CCDC85A: variants seen among roughly 807,000 people sequenced by gnomAD.
CCDC85A encodes coiled-coil domain-containing protein 85A.
CCDC85A carries 38 observed loss-of-function variants against 50.2 expected under a neutral mutation model. The ratio of observed to expected loss-of-function variants is 0.76; its 90% CI spans 0.58 to 0.99. The LOEUF (loss-of-function observed/expected upper bound fraction) is 0.99, where lower values mean the gene tolerates loss of function less well. Among genes scored for constraint, CCDC85A ranks in the 50% least tolerant of loss-of-function variants. The probability of loss-of-function intolerance (pLI) is 0.00; values close to 1 mark genes in which losing one functional copy is unlikely to be tolerated. For synonymous variants in CCDC85A, 366 were observed against 301.4 expected (o/e 1.21, Z -2.22); for missense variants, 820 against 742.0 (o/e 1.11, Z -1.22).
At chr2:56,341,409 C>T (rs900749240) in intron 2 of CCDC85A, among the ~76,000 whole-genome samples, 6 of 152,170 alleles carry the variant, frequency 3.9e-5, no homozygotes, top group Middle Eastern at 3.4e-3. Context: ...GGTGGGCTTG[C>T]GGGGAGCCCT....
chr2:56,252,851 A>G (rs1464779278), intron 2 of CCDC85A, among the ~76,000 whole-genome samples: 2 of 151,984 alleles, frequency 1.3e-5, no homozygotes, highest in Admixed American at 1.3e-4. Flanking sequence ...AGCTTCATCC[A>G]TGTCCCTGCA....
chr2:56,218,913 C>G (rs1668199968), intron 2 of CCDC85A, among the ~76,000 whole-genome samples: 1 of 151,606 alleles, frequency 6.6e-6, no homozygotes, highest in African/African-American at 2.4e-5. Flanking sequence ...AAATATATTA[C>G]TGAAATGAGA....
intron 2 of CCDC85A, among the ~76,000 whole-genome samples, chr2:56,212,017 A>G (rs1169521274): frequency 1.3e-5 from 2 of 151,978 alleles, no homozygotes; most frequent in Non-Finnish European, 2.9e-5. Context: ...GGCCTGTAAT[A>G]TCTGGACTCA....
chr2:56,288,069 A>G (rs1428215067), intron 2 of CCDC85A, among the ~76,000 whole-genome samples: 2 of 152,104 alleles, frequency 1.3e-5, no homozygotes, highest in Non-Finnish European at 2.9e-5. Flanking sequence ...CCCTGAACCC[A>G]TATCTTGGGA....
At chr2:56,359,979 C>A (rs1334089767) in intron 3 of CCDC85A, among the ~76,000 whole-genome samples, 2 of 152,082 alleles carry the variant, frequency 1.3e-5, no homozygotes, top group African/African-American at 4.8e-5. Flanking sequence ...TGGGTCAGGA[C>A]AAGACTTAGA....
intron 2 of CCDC85A, among the ~76,000 whole-genome samples, chr2:56,242,990 C>T (rs769838613): frequency 6.6e-6 from 1 of 151,948 alleles, no homozygotes; most frequent in Non-Finnish European, 1.5e-5. Context: ...ATCCAGGTTT[C>T]CCAGCACAAT....
At chr2:56,325,947 G>A (rs1485215020) in intron 2 of CCDC85A, among the ~76,000 whole-genome samples, 1 of 152,072 alleles carries the variant, frequency 6.6e-6, no homozygotes, top group East Asian at 1.9e-4. Flanking sequence ...TTGTGTCTTA[G>A]GCAAAATACG....
chr2:56,304,027 A>G (rs572260610), intron 2 of CCDC85A, among the ~76,000 whole-genome samples: 10 of 152,314 alleles, frequency 6.6e-5, no homozygotes, highest in African/African-American at 2.4e-4. Flanking sequence ...TTGGATCTCT[A>G]TGTCCTAGTG....
intron 2 of CCDC85A, among the ~76,000 whole-genome samples, chr2:56,284,177 T>C (rs139477340): frequency 5.4e-4 from 82 of 152,288 alleles, no homozygotes; most frequent in African/African-American, 1.9e-3. Context: ...TAGATATCCT[T>C]ATTGATTTCT....
chr2:56,220,247 AATC>A (rs1668267716), intron 2 of CCDC85A, among the ~76,000 whole-genome samples: 1 of 93,430 alleles, frequency 1.1e-5, no homozygotes, highest in African/African-American at 3.0e-5. Context: ...CTTTCTACTT[AATC>A]TTAAACTCCT....
At chr2:56,283,110 C>T (rs1346248781) in intron 2 of CCDC85A, among the ~76,000 whole-genome samples, 2 of 151,986 alleles carry the variant, frequency 1.3e-5, no homozygotes, top group Non-Finnish European at 2.9e-5. Flanking sequence ...GACAGTTTTA[C>T]TTCTTACTTT....
At chr2:56,262,467 A>G (rs921883602) in intron 2 of CCDC85A, among the ~76,000 whole-genome samples, 1 of 152,170 alleles carries the variant, frequency 6.6e-6, no homozygotes, top group Non-Finnish European at 1.5e-5. Flanking sequence ...GGGTTTTCTC[A>G]TGAGAAGCCC....
At chr2:56,222,338 G>T (rs1393793563) in intron 2 of CCDC85A, among the ~76,000 whole-genome samples, 2 of 151,982 alleles carry the variant, frequency 1.3e-5, no homozygotes, top group Non-Finnish European at 2.9e-5. Flanking sequence ...AAGGTATATA[G>T]CATAATGTTT....
intron 4 of CCDC85A, among the ~76,000 whole-genome samples, chr2:56,373,910 C>CT (rs1676205150): frequency 6.6e-6 from 1 of 152,072 alleles, no homozygotes; most frequent in Non-Finnish European, 1.5e-5. Context: ...CATTTGATTC[C>CT]AAAGGATCCA....
intron 5 of CCDC85A, among the ~76,000 whole-genome samples, chr2:56,378,884 A>G (rs1377680452): frequency 6.6e-6 from 1 of 152,158 alleles, no homozygotes; most frequent in Non-Finnish European, 1.5e-5. Flanking sequence ...TTCTAGGGAG[A>G]GCATTAGTTT....
chr2:56,295,037 GTTTA>G, intron 2 of CCDC85A, among the ~76,000 whole-genome samples: 1 of 152,190 alleles, frequency 6.6e-6, no homozygotes, highest in Non-Finnish European at 1.5e-5. Flanking sequence ...AAAACATTGT[GTTTA>G]TGGCATCCAG....
At chr2:56,272,944 AG>A (rs60525863) in intron 2 of CCDC85A, among the ~76,000 whole-genome samples, 25,783 of 152,008 alleles carry the variant, frequency 0.17, 2,157 homozygotes, top group East Asian at 0.29. Flanking sequence ...AATTGGAAAA[AG>A]AAAAAGAGAG....
At chr2:56,187,103 T>C (rs1240233508) in intron 1 of CCDC85A, among the ~76,000 whole-genome samples, 1 of 152,220 alleles carries the variant, frequency 6.6e-6, no homozygotes, top group African/African-American at 2.4e-5. Context: ...CAGAGCTTCC[T>C]TGGACACCAT....
chr2:56,378,827 A>G (rs138264452), intron 5 of CCDC85A, among the ~76,000 whole-genome samples: 497 of 152,312 alleles, frequency 3.3e-3, no homozygotes, highest in Non-Finnish European at 5.3e-3. Context: ...TGACAGTAGA[A>G]TCAAGTAGCT....
Sources: gnomAD v4.1 joint callset for allele counts (sites outside exome capture counted in the v4.1 genomes callset) on GRCh38, gnomAD v4.1.1 for gene constraint, MANE v1.5 for transcripts, NCBI Gene and HGNC (gene_info 2026-07-23, HGNC 2026-07-21) for gene names.